The following SYBU variants were observed in gnomAD, a reference collection of about 807,000 sequenced individuals.
SYBU encodes GOLSYN A protein.
Under a neutral mutation model 35.9 loss-of-function variants are expected in SYBU, and 21 were observed. The ratio of observed to expected loss-of-function variants is 0.58; its 90% confidence interval spans 0.41 to 0.84. The LOEUF (loss-of-function observed/expected upper bound fraction) is 0.84. Ranked by LOEUF, SYBU falls within the 40% of genes least tolerant of loss-of-function variation. The probability of loss-of-function intolerance (pLI) is 0.00; values close to 1 mark genes in which losing one functional copy is unlikely to be tolerated. For missense variants in SYBU, 768 were observed against 848.2 expected (o/e 0.91, Z 1.17); for synonymous variants, 319 against 324.3 (o/e 0.98, Z 0.18).
At chr8:109,672,444 C>A (rs965048327) in intron 1 of SYBU, among the ~76,000 whole-genome samples, 2 of 152,158 alleles carry the variant, frequency 1.3e-5, no homozygotes, top group African/African-American at 4.8e-5. Context: ...GAACTCCCTG[C>A]CCTAGCTAAG....
intron 2 of SYBU, among the ~76,000 whole-genome samples, chr8:109,621,684 A>G (rs1290474050): frequency 6.6e-6 from 1 of 152,228 alleles, no homozygotes; most frequent in Non-Finnish European, 1.5e-5. Flanking sequence ...GGATCTGGGT[A>G]TATGTCACTT....
intron 2 of SYBU, among the ~76,000 whole-genome samples, chr8:109,632,376 T>C (rs1303765274): frequency 2.0e-5 from 3 of 152,204 alleles, no homozygotes; most frequent in Admixed American, 1.3e-4. Flanking sequence ...GAAAAACTTA[T>C]AATAAAATAA....
chr8:109,625,894 T>C (rs1429478872), intron 2 of SYBU, among the ~76,000 whole-genome samples: 3 of 152,216 alleles, frequency 2.0e-5, no homozygotes, highest in Non-Finnish European at 4.4e-5. Context: ...TTCCAAGAAG[T>C]TTGAGACAAC....
intron 3 of SYBU, among the ~76,000 whole-genome samples, chr8:109,611,661 T>A (rs1057025933): frequency 6.6e-6 from 1 of 152,238 alleles, no homozygotes; most frequent in African/African-American, 2.4e-5. Context: ...GATTTTCATT[T>A]AAGAAAATAT....
Position 109,680,379 on chromosome 8 carries a change from A to C in SYBU, c.-129+332T>G, listed in dbSNP as rs572397478. 4.0e-5 allele frequency among the ~76,000 whole-genome samples: 3 copies of C among 74,918 alleles called. No individual in the cohort carries two copies. The South Asian group carries it at 1.3e-3, about 34-fold the overall frequency. The allele number at this position is 74,918 out of a possible 152,430, so 49.1% of individuals were successfully genotyped here. On this transcript the variant is annotated intron_variant, in intron 1 of 5. Coordinates refer to the SYBU transcript ENST00000408889. ...GAGACTCAGAGTGAAGAACCGAAAG[A>C]AATTAGTTTTGTACAGTTTGATAAA...
At chr8:109,644,858 G>T, upstream of SYBU, 1 of 554,104 alleles carries the variant, frequency 1.8e-6, no homozygotes, top group Middle Eastern at 5.1e-4. Flanking sequence ...GCCCCGGCCG[G>T]ACACGTGGTG....
chr8:109,618,307 C>T (rs1312065297), intron 3 of SYBU, among the ~76,000 whole-genome samples: 4 of 152,164 alleles, frequency 2.6e-5, no homozygotes, highest in Non-Finnish European at 5.9e-5. Flanking sequence ...CATCTTATAG[C>T]TTCTAATATT....
intron 3 of SYBU, among the ~76,000 whole-genome samples, chr8:109,612,693 AC>A (rs1406256204): frequency 6.6e-6 from 1 of 151,284 alleles, no homozygotes; most frequent in Non-Finnish European, 1.5e-5. Context: ...TTAAAAGGCC[AC>A]CCAGGCGGAG....
At chr8:109,654,110 T>G (rs1431540956) in intron 1 of SYBU, among the ~76,000 whole-genome samples, 1 of 152,192 alleles carries the variant, frequency 6.6e-6, no homozygotes, top group Non-Finnish European at 1.5e-5. Flanking sequence ...CATTTAAACA[T>G]GCCAAAAACT....
At chr8:109,638,766 G>A (rs1814521538) in intron 2 of SYBU, among the ~76,000 whole-genome samples, 1 of 152,164 alleles carries the variant, frequency 6.6e-6, no homozygotes, top group African/African-American at 2.4e-5. Flanking sequence ...TACAAACTGT[G>A]AGGAATACTG....
chr8:109,618,122 T>C (rs1812017476), intron 3 of SYBU, among the ~76,000 whole-genome samples: 1 of 152,200 alleles, frequency 6.6e-6, no homozygotes. Flanking sequence ...AAGAGAATAA[T>C]GCAATGTTAG....
chr8:109,585,762 T>A (rs1393108116), intron 4 of SYBU: 3 of 294,668 alleles, frequency 1.0e-5, no homozygotes, highest in African/African-American at 6.5e-5. Flanking sequence ...TAGCTTCCTA[T>A]GCAGATGAGT....
chr8:109,638,216 A>G (rs1272500848), intron 2 of SYBU, among the ~76,000 whole-genome samples: 1 of 152,226 alleles, frequency 6.6e-6, no homozygotes, highest in Non-Finnish European at 1.5e-5. Flanking sequence ...GGGGGTAATT[A>G]TTGCCTCAAC....
chr8:109,602,564 A>C (rs1825659166), intron 3 of SYBU, among the ~76,000 whole-genome samples: 1 of 151,476 alleles, frequency 6.6e-6, no homozygotes, highest in Non-Finnish European at 1.5e-5. Flanking sequence ...CTCCTGAGTA[A>C]TTGTGATTAC....
chr8:109,666,480 C>A (rs1816757675), intron 1 of SYBU, among the ~76,000 whole-genome samples: 1 of 152,190 alleles, frequency 6.6e-6, no homozygotes, highest in South Asian at 2.1e-4. Flanking sequence ...ACTGCTCATG[C>A]CTGTAATCCC....
chr8:109,581,222 G>A (rs1029129919), intron 4 of SYBU, among the ~76,000 whole-genome samples: 2 of 152,164 alleles, frequency 1.3e-5, no homozygotes, highest in African/African-American at 4.8e-5. Flanking sequence ...TTTGATACAT[G>A]GTAAGTGTTC....
chr8:109,645,093 CT>C (rs113779271), upstream of SYBU: 2,821 of 373,834 alleles, frequency 7.5e-3, 10 homozygotes, highest in African/African-American at 0.02. Flanking sequence ...ACCCCACCCT[CT>C]TTTTTTTTTG....
Position 109,579,914 on chromosome 8 carries a change from T to C in SYBU, c.619A>G (p.Met207Val), listed in dbSNP as rs1256858927. 3 of 1,610,434 alleles carry C rather than the reference T, an allele frequency of 1.9e-6. No individual in the cohort carries two copies. Among genetic ancestry groups the C allele is most frequent in the Non-Finnish European group, 2.5e-6 (3 of 1,178,020 alleles). The change falls in exon 5 of 7, where the codon ATG becomes GTG. Residue 207 changes from methionine (M) to valine (V), a missense_variant. Transcript: ENST00000276646. ...SSPREKDLLS[M>V]LCRNQLSPVN... ...GGGCTCAGCTGATTCCTGCACAGCA[T>C]GGACAGAAGGTCCTTTTCCCGCGGG...
At chr8:109,645,039 G>A (rs1404959467), upstream of SYBU, 3 of 496,628 alleles carry the variant, frequency 6.0e-6, no homozygotes, top group Non-Finnish European at 1.2e-5. Flanking sequence ...AGCTCGGCCC[G>A]GTGTAGGCAG....
Sources: allele counts gnomAD v4.1 joint callset (sites outside exome capture counted in the v4.1 genomes callset), GRCh38; gene constraint gnomAD v4.1.1; transcripts MANE v1.5; gene names NCBI Gene and HGNC (gene_info 2026-07-23, HGNC 2026-07-21).